The following ARMH1 variants were observed in gnomAD, a reference collection of about 807,000 sequenced individuals.
ARMH1 encodes the protein armadillo-like helical domain containing protein 1.
A neutral mutation model predicts 50.2 loss-of-function variants in ARMH1; 34 were observed. The ratio of observed to expected loss-of-function variants is 0.68; its 90% CI spans 0.51 to 0.90. ARMH1 has a LOEUF of 0.90. Ranked by LOEUF, ARMH1 falls within the 40% of genes least tolerant of loss-of-function variation. ARMH1 has a pLI of 0.00. For synonymous variants in ARMH1, 221 were observed against 224.2 expected (o/e 0.99, Z 0.13); for missense variants, 538 against 553.9 (o/e 0.97, Z 0.29).
intron 6 of ARMH1, among the ~76,000 whole-genome samples, chr1:44,708,978 T>C (rs1646462887): frequency 6.6e-6 from 1 of 152,106 alleles, no homozygotes; most frequent in Non-Finnish European, 1.5e-5. Flanking sequence ...GAGCCCCTCT[T>C]TGAGAATTTA....
rs1456062526 is a variant in ARMH1 at position 44,681,731 on chromosome 1, T to C, written c.-23+6858T>C. Among the ~76,000 whole-genome samples the C allele has an allele frequency of 2.6e-5, 4 of 152,132 alleles. No individual in the cohort carries two copies. Among genetic ancestry groups the C allele is most frequent in the African/African-American group, 7.2e-5 (3 of 41,418 alleles). ...ATTCTTACCTAATGGCCTATAACTT[T>C]CTTTGTTAAACCCAAAAGTAGGCCT... On this transcript the variant is annotated intron_variant, in intron 1 of 11. Coordinates refer to ENST00000535358, the MANE Select transcript of ARMH1 (RefSeq NM_001145636.2). This position sits in a 1 kb window ranked among gnomAD's most constrained non-coding sequence, Gnocchi z 4.3.
intron 6 of ARMH1, among the ~76,000 whole-genome samples, chr1:44,709,628 T>C (rs1018699938): frequency 7.3e-5 from 11 of 150,532 alleles, no homozygotes; most frequent in Non-Finnish European, 1.5e-4. Context: ...GCTGAAATCA[T>C]GCCATTGCAC....
intron 6 of ARMH1, chr1:44,721,799 C>CA (rs1303236989): frequency 4.0e-5 from 6 of 151,394 alleles, no homozygotes; most frequent in Non-Finnish European, 7.4e-5. Flanking sequence ...CTTGCCTAGG[C>CA]AAGACTTCAA....
rs956990264 is a variant in ARMH1, at chr1:44,695,928, G to C, written c.207-1174G>C. On this transcript the variant is annotated intron_variant, in intron 2 of 11. Transcript: ENST00000535358. Reference sequence around the variant, plus strand: ...CCACTGTGCCCCAGCCTGGGCAACAGAGTGAGACCCTATCTCAAAAAAAAA... The same window carrying C: ...CCACTGTGCCCCAGCCTGGGCAACACAGTGAGACCCTATCTCAAAAAAAAA... Among the ~76,000 whole-genome samples the C allele has an allele frequency of 1.5e-4, 20 of 135,164 alleles. 1 individual carries two copies. The highest frequency in any genetic ancestry group is 1.7e-4 in the Non-Finnish European group (11 of 64,424). 88.7% of individuals were successfully genotyped at this position (135,164 alleles called of 152,430 possible).
intron 1 of ARMH1, among the ~76,000 whole-genome samples, chr1:44,688,583 C>T (rs1645551257): frequency 6.6e-6 from 1 of 152,182 alleles, no homozygotes; most frequent in South Asian, 2.1e-4. Flanking sequence ...CTCTCCATAT[C>T]AATCATGGCC....
chr1:44,724,292 T>C lies in ARMH1; in HGVS notation c.848-28T>C, dbSNP rs1437624582. On this transcript the variant is annotated intron_variant, in intron 7 of 11. Coordinates refer to ENST00000535358, the MANE Select transcript of ARMH1 (RefSeq NM_001145636.2). The surrounding 1 kb of genome is among the most constrained non-coding windows in gnomAD (Gnocchi z 6.4). ...CTGCCTGGGCCACGGGAGGGCGGTC[T>C]CTTGCCTCACGGCTGCCCCCTCCTC... is the stretch of plus-strand genomic sequence containing the variant. The C allele has an allele frequency of 1.3e-6, 2 of 1,550,792 alleles. No homozygotes were observed. The highest frequency in any genetic ancestry group is 1.7e-6 in the Non-Finnish European group (2 of 1,146,410).
chr1:44,725,118 C>G lies in ARMH1; in HGVS notation c.1129-18C>G. The G allele has an allele frequency of 6.4e-7, 1 of 1,551,796 alleles. No homozygotes were observed. ...TGCCCTGGCACCCCAGCCGGGTCCC[C>G]CTTGCTCCTGTCCTCAGAGCAACGC... On this transcript the variant is annotated intron_variant, in intron 10 of 11. Coordinates refer to ENST00000535358, the MANE Select transcript of ARMH1 (RefSeq NM_001145636.2).
intron 6 of ARMH1, among the ~76,000 whole-genome samples, chr1:44,705,580 C>T (rs926217911): frequency 6.6e-6 from 1 of 151,968 alleles, no homozygotes; most frequent in Non-Finnish European, 1.5e-5. Context: ...CAAATGTTTC[C>T]ATGAATGAAT....
Position 44,697,413 on chromosome 1 carries a change from A to T in ARMH1, c.275+243A>T, listed in dbSNP as rs1645864053. Reference sequence around the variant, plus strand: ...GTTGTGAATTACAGAAAACCAACTCATATTGGACTCAGAAAAAGGAAAATT... The same window carrying T: ...GTTGTGAATTACAGAAAACCAACTCTTATTGGACTCAGAAAAAGGAAAATT... On this transcript the variant is annotated intron_variant, in intron 3 of 11. Coordinates refer to ENST00000535358, the MANE Select transcript of ARMH1 (RefSeq NM_001145636.2). Among the ~76,000 whole-genome samples the T allele has an allele frequency of 2.6e-5, 4 of 152,048 alleles. No homozygotes were observed. The South Asian group carries it at 8.3e-4, about 31-fold the overall frequency.
At position 44,724,677 on chromosome 1, in the gene ARMH1, G is replaced by A; in HGVS notation, c.1050+9G>A. The A allele has an allele frequency of 2.0e-6, 3 of 1,485,226 alleles. No homozygotes were observed. Among genetic ancestry groups the A allele is most frequent in the Non-Finnish European group, 1.8e-6 (2 of 1,124,472 alleles). The allele number at this position is 1,485,226 out of a possible 1,614,324, so 92.0% of individuals were successfully genotyped here. The stretch of plus-strand genomic sequence containing the variant: ...CCAGCCTCACGCTGGAGGTGCGCGC[G>A]GCGGCTGGTTAGGGGGCGGGAAGGG... On this transcript the variant is annotated intron_variant, in intron 9 of 11. Transcript: ENST00000535358. The surrounding 1 kb of genome is among the most constrained non-coding windows in gnomAD (Gnocchi z 6.4).
rs75158327 is a variant in ARMH1 at position 44,699,283 on chromosome 1, C to CAAA, written c.442+1072_442+1074dup. On this transcript the variant is annotated intron_variant, in intron 4 of 11. Coordinates refer to ENST00000535358, the MANE Select transcript of ARMH1 (RefSeq NM_001145636.2). ...TGGGCTACAGAGCAAGACTCCGTCTCAAAAAAAAAAAAAAAAAAAAGGAAA... is the reference window on the plus strand; with the variant it reads ...TGGGCTACAGAGCAAGACTCCGTCTCAAAAAAAAAAAAAAAAAAAAAAAGGAAA... Among the ~76,000 whole-genome samples, 15 of 42,542 alleles carry CAAA rather than the reference C, an allele frequency of 3.5e-4. No homozygotes were observed. In the East Asian group the frequency reaches 3.9e-3, roughly 11 times the overall value. The allele number at this position is 42,542 out of a possible 152,430, so 27.9% of individuals were successfully genotyped here.
chr1:44,689,679 A>C lies in ARMH1; in HGVS notation c.-19A>C. The C allele has an allele frequency of 6.4e-7, 1 of 1,550,628 alleles. No individual in the cohort carries two copies. The highest frequency in any genetic ancestry group is 8.7e-7 in the Non-Finnish European group (1 of 1,146,234). On this transcript the variant is annotated 5_prime_UTR_variant, in exon 2 of 12. Transcript: ENST00000535358. The stretch of plus-strand genomic sequence containing the variant: ...TCTCTTTTCCCTCCCTCTGTAGCCA[A>C]CTTCAGGACTGATTGATCATGACTT...
intron 6 of ARMH1, among the ~76,000 whole-genome samples, chr1:44,707,010 T>G (rs984932781): frequency 6.6e-6 from 1 of 152,052 alleles, no homozygotes; most frequent in East Asian, 1.9e-4. Flanking sequence ...AAGCATTGAC[T>G]CCCTAAGCCC....
Position 44,697,183 on chromosome 1 carries a change from C to G in ARMH1, c.275+13C>G. 1 of 1,548,516 alleles carries G rather than the reference C, an allele frequency of 6.5e-7. No individual in the cohort carries two copies. Among genetic ancestry groups the G allele is most frequent in the Non-Finnish European group, 8.7e-7 (1 of 1,143,734 alleles). On this transcript the variant is annotated intron_variant, in intron 3 of 11. Transcript: ENST00000535358. ...CAGCTGTAAGCAGGTGAGTTCTGTT[C>G]TAGCGTGATTCTGGGGGTCTCAGTG...
chr1:44,680,622 T>G (rs919805226), intron 1 of ARMH1, among the ~76,000 whole-genome samples: 6 of 152,158 alleles, frequency 3.9e-5, no homozygotes, highest in African/African-American at 1.4e-4. Flanking sequence ...GCTTTGTTTG[T>G]ATATTTATTT....
intron 6 of ARMH1, among the ~76,000 whole-genome samples, chr1:44,710,626 A>G (rs939419173): frequency 5.9e-5 from 9 of 151,796 alleles, no homozygotes; most frequent in East Asian, 1.9e-4. Context: ...AAAAAAAAAA[A>G]AAAGAAAAGA....
chr1:44,725,280 C>G lies in ARMH1; in HGVS notation c.1211-11C>G. On this transcript the variant is annotated splice_polypyrimidine_tract_variant and intron_variant, in intron 11 of 11. Coordinates refer to ENST00000535358, the MANE Select transcript of ARMH1 (RefSeq NM_001145636.2). ...CCAGCACAGCCTCACGCCCGCCTTT[C>G]CTGCCTGCAGCCCTGTGCCTCCATG... is the stretch of plus-strand genomic sequence containing the variant. 6.4e-7 allele frequency: 1 copy of G among 1,551,834 alleles called. No homozygotes were observed. The highest frequency in any genetic ancestry group is 8.7e-7 in the Non-Finnish European group (1 of 1,147,010).
Position 44,689,813 on chromosome 1 carries a change from A to T in ARMH1, c.116A>T (p.Asn39Ile). The T allele has an allele frequency of 1.9e-6, 3 of 1,551,696 alleles. No homozygotes were observed. The highest frequency in any genetic ancestry group is 1.7e-6 in the Non-Finnish European group (2 of 1,147,006). Residue 39 changes from asparagine to isoleucine, a missense_variant, in exon 2 of 12, where the codon AAC becomes ATC. By Grantham distance (149) the Asn-to-Ile change is moderately radical. Transcript: ENST00000535358. The part of the protein sequence containing the change: ...SHILDKFIET[N>I]QGKTAPELEQ... ...ATCCTCGACAAGTTCATTGAAACCA[A>T]CCAAGGCAAGACTGCCCCTGAACTG...
intron 5 of ARMH1, among the ~76,000 whole-genome samples, chr1:44,703,660 G>A (rs746138296): frequency 7.9e-5 from 12 of 151,150 alleles, no homozygotes; most frequent in Non-Finnish European, 1.3e-4. Flanking sequence ...CCCAGGAGGC[G>A]GAGGTTGCAG....
Sources: gnomAD v4.1 joint callset for allele counts (sites outside exome capture counted in the v4.1 genomes callset) on GRCh38, gnomAD v4.1.1 for gene constraint, Gnocchi (gnomAD v3.1) non-coding constraint, MANE v1.5 for transcripts, NCBI Gene and HGNC (gene_info 2026-07-23, HGNC 2026-07-21) for gene names.